The following FGF12 variants were observed in gnomAD, a reference collection of about 807,000 sequenced individuals.
The protein encoded by FGF12 is fibroblast growth factor 12, also known as fibroblast growth factor 12B.
Under a neutral mutation model 23.6 loss-of-function variants are expected in FGF12, and 14 were observed. The ratio of observed to expected loss-of-function variants is 0.59; its 90% CI spans 0.39 to 0.93. FGF12 has a LOEUF of 0.93. Among genes scored for constraint, FGF12 ranks in the 40% least tolerant of loss-of-function variants. FGF12 has a pLI of 0.00. For missense variants in FGF12, 175 were observed against 217.8 expected (o/e 0.80, Z 1.24); for synonymous variants, 62 against 77.3 (o/e 0.80, Z 1.04).
chr3:192,228,290 T>C (rs976498959), intron 4 of FGF12, among the ~76,000 whole-genome samples: 2 of 152,078 alleles, frequency 1.3e-5, no homozygotes, highest in African/African-American at 4.8e-5. Context: ...AAATAAGTGA[T>C]TATAGATGAC....
intron 2 of FGF12, among the ~76,000 whole-genome samples, chr3:192,553,021 T>C (rs959450283): frequency 1.3e-5 from 2 of 152,130 alleles, no homozygotes; most frequent in African/African-American, 2.4e-5. Flanking sequence ...TCAGTGGAAA[T>C]ACTTCAAAAA....
At chr3:192,506,661 C>G (rs1446123739) in intron 2 of FGF12, among the ~76,000 whole-genome samples, 1 of 151,700 alleles carries the variant, frequency 6.6e-6, no homozygotes, top group African/African-American at 2.4e-5. Context: ...CGTGAGCCAC[C>G]GAGCCCGGCT....
chr3:192,209,392 T>G (rs1577237747), intron 4 of FGF12, among the ~76,000 whole-genome samples: 2 of 152,222 alleles, frequency 1.3e-5, no homozygotes, highest in East Asian at 3.9e-4. Context: ...AATCCTGTGC[T>G]AGCTATGGAC....
chr3:192,388,258 T>C (rs1720138691), intron 2 of FGF12, among the ~76,000 whole-genome samples: 1 of 152,060 alleles, frequency 6.6e-6, no homozygotes, highest in Non-Finnish European at 1.5e-5. Context: ...AGCAAGACCC[T>C]ATCTAAAAAA....
At chr3:192,724,094 AG>A (rs1362861411) in intron 2 of FGF12, among the ~76,000 whole-genome samples, 1 of 149,756 alleles carries the variant, frequency 6.7e-6, no homozygotes, top group Non-Finnish European at 1.5e-5. Flanking sequence ...GAAGGAAGGA[AG>A]AAAGGAAGGA....
chr3:192,327,110 A>C (rs1470669064), intron 4 of FGF12, among the ~76,000 whole-genome samples: 1 of 152,192 alleles, frequency 6.6e-6, no homozygotes, highest in East Asian at 1.9e-4. Flanking sequence ...ATTTAAGTCA[A>C]GCACCTCACT....
At chr3:192,483,823 A>T (rs1324004499) in intron 2 of FGF12, among the ~76,000 whole-genome samples, 1 of 152,186 alleles carries the variant, frequency 6.6e-6, no homozygotes, top group Non-Finnish European at 1.5e-5. Context: ...AAGGTAGAGA[A>T]GTAACCCATC....
Position 192,553,646 on chromosome 3 carries a change from T to C in FGF12, c.13+173535A>G, listed in dbSNP as rs887837693. Among the ~76,000 whole-genome samples the C allele has an allele frequency of 7.9e-5, 12 of 152,244 alleles. No homozygotes were observed. The East Asian group carries it at 2.3e-3, about 29-fold the overall frequency. On this transcript the variant is annotated intron_variant, in intron 2 of 5. Coordinates refer to ENST00000445105, the MANE Select transcript of FGF12 (RefSeq NM_004113.6). ...AACCTCAGGCAAATATGAAGCCAAA[T>C]GCATTGAAACCAGTAAGAAAATTCG...
intron 2 of FGF12, among the ~76,000 whole-genome samples, chr3:192,681,816 T>C (rs572799420): frequency 7.9e-4 from 120 of 152,192 alleles, no homozygotes; most frequent in African/African-American, 2.8e-3. Flanking sequence ...AAAAATCATC[T>C]AGTCAGCCAA....
chr3:192,625,501 A>T (rs1715133920), intron 2 of FGF12, among the ~76,000 whole-genome samples: 1 of 152,256 alleles, frequency 6.6e-6, no homozygotes, highest in South Asian at 2.1e-4. Context: ...TTAAAAATTT[A>T]AAAATGAGAA....
Position 192,653,822 on chromosome 3 carries a change from C to A in FGF12, c.13+73359G>T, listed in dbSNP as rs149472366. Among the ~76,000 whole-genome samples the A allele has an allele frequency of 2.5e-3, 380 of 151,158 alleles. 2 individuals carry two copies. The highest frequency in any genetic ancestry group is 8.5e-3 in the African/African-American group (348 of 41,180). ...CTCCGCCTCCCCAGTTCAAGTGATT[C>A]TCCTGCCTCAGCCTCCTGAGTAGCT... is the stretch of plus-strand genomic sequence containing the variant. On this transcript the variant is annotated intron_variant, in intron 2 of 5. Coordinates refer to ENST00000445105, the MANE Select transcript of FGF12 (RefSeq NM_004113.6).
At chr3:192,250,230 G>T (rs1183966620) in intron 4 of FGF12, among the ~76,000 whole-genome samples, 1 of 152,002 alleles carries the variant, frequency 6.6e-6, no homozygotes, top group Non-Finnish European at 1.5e-5. Flanking sequence ...TTTTGAATTT[G>T]GTTCTCTGGC....
At chr3:192,397,551 A>G (rs865821816) in intron 2 of FGF12, among the ~76,000 whole-genome samples, 1 of 152,190 alleles carries the variant, frequency 6.6e-6, no homozygotes, top group Non-Finnish European at 1.5e-5. Context: ...CAACACATAC[A>G]TGACTCGCTC....
intron 2 of FGF12, among the ~76,000 whole-genome samples, chr3:192,574,845 C>A (rs936201123): frequency 6.6e-6 from 1 of 152,214 alleles, no homozygotes; most frequent in Non-Finnish European, 1.5e-5. Context: ...TGCTTAACAG[C>A]AATCTCATGA....
intron 4 of FGF12, among the ~76,000 whole-genome samples, chr3:192,242,447 C>T (rs979640990): frequency 6.6e-6 from 1 of 151,970 alleles, no homozygotes; most frequent in African/African-American, 2.4e-5. Flanking sequence ...CAATTGAGAA[C>T]CAAATTGTTC....
intron 2 of FGF12, among the ~76,000 whole-genome samples, chr3:192,574,217 T>C (rs1712777324): frequency 1.3e-5 from 2 of 152,342 alleles, no homozygotes; most frequent in Non-Finnish European, 2.9e-5. Flanking sequence ...GTCAATATTG[T>C]TTATTTTGGA....
At chr3:192,257,890 G>C (rs1028381529) in intron 4 of FGF12, among the ~76,000 whole-genome samples, 1 of 151,736 alleles carries the variant, frequency 6.6e-6, no homozygotes, top group African/African-American at 2.4e-5. Flanking sequence ...CTTCTGAGAG[G>C]GCTTGACTTC....
At chr3:192,293,196 A>C (rs932027601) in intron 4 of FGF12, among the ~76,000 whole-genome samples, 2 of 152,160 alleles carry the variant, frequency 1.3e-5, no homozygotes, top group Non-Finnish European at 2.9e-5. Context: ...ATTCAATCAA[A>C]GTTTTCTCTG....
intron 2 of FGF12, among the ~76,000 whole-genome samples, chr3:192,392,054 C>A (rs1479949351): frequency 6.6e-6 from 1 of 152,198 alleles, no homozygotes; most frequent in Non-Finnish European, 1.5e-5. Flanking sequence ...CTTGCTGAAT[C>A]AGAATCTGCA....
Sources: gnomAD v4.1 joint callset for allele counts (sites outside exome capture counted in the v4.1 genomes callset) on GRCh38, gnomAD v4.1.1 for gene constraint, MANE v1.5 for transcripts, NCBI Gene and HGNC (gene_info 2026-07-23, HGNC 2026-07-21) for gene names.